The following MARCHF1 variants were observed in gnomAD, a reference collection of about 807,000 sequenced individuals.
The protein encoded by MARCHF1 is E3 ubiquitin-protein ligase MARCHF1.
In MARCHF1, 40 loss-of-function variants were observed where a neutral mutation model predicts 54.2. The ratio of observed to expected loss-of-function variants is 0.74; its 90% CI spans 0.57 to 0.96. The LOEUF is 0.96. MARCHF1 is among the 40% of genes least tolerant of loss of function. The probability of loss-of-function intolerance (pLI) is 0.00; values close to 1 mark genes in which losing one functional copy is unlikely to be tolerated. For missense variants in MARCHF1, 586 were observed against 656.5 expected (o/e 0.89, Z 1.17); for synonymous variants, 236 against 236.3 (o/e 1.00, Z 0.01).
intron 1 of MARCHF1, among the ~76,000 whole-genome samples, chr4:164,328,146 A>T (rs1450582445): frequency 6.6e-6 from 1 of 152,230 alleles, no homozygotes; most frequent in Admixed American, 6.5e-5. Context: ...AGAAAATTCT[A>T]AAATTAGTTT....
intron 1 of MARCHF1, among the ~76,000 whole-genome samples, chr4:164,254,304 A>G (rs1351681163): frequency 7.3e-6 from 1 of 137,198 alleles, no homozygotes; most frequent in Admixed American, 7.8e-5. Flanking sequence ...AAGGGACAGA[A>G]CTAATAGTAT....
chr4:163,895,671 A>C (rs1043685100), intron 3 of MARCHF1, among the ~76,000 whole-genome samples: 2 of 152,002 alleles, frequency 1.3e-5, no homozygotes, highest in Non-Finnish European at 2.9e-5. Flanking sequence ...TTATGCTGTG[A>C]AAGAGGATGT....
At position 164,246,473 on chromosome 4, in the gene MARCHF1, C is replaced by T. The variant is rs1391514256; in HGVS notation, c.-322-134811G>A. ...GTTCAAGATGGATTAAAGACTTAAA[C>T]GTTAGACCTAAAACCATAAAAACCC... On this transcript the variant is annotated intron_variant, in intron 1 of 9. Coordinates refer to ENST00000514618, the MANE Select transcript of MARCHF1 (RefSeq NM_001394959.1). Among the ~76,000 whole-genome samples the T allele has an allele frequency of 1.2e-4, 6 of 51,584 alleles. 1 individual carries two copies. Among genetic ancestry groups the T allele is most frequent in the Non-Finnish European group, 2.5e-4 (5 of 19,626 alleles). The allele number at this position is 51,584 out of a possible 152,430, so 33.8% of individuals were successfully genotyped here. A position where few individuals can be genotyped will look rare whatever the true frequency, so the allele number is the denominator to read the frequency against.
chr4:163,725,045 G>T (rs1338974076), intron 4 of MARCHF1, among the ~76,000 whole-genome samples: 2 of 152,082 alleles, frequency 1.3e-5, no homozygotes, highest in South Asian at 2.1e-4. Context: ...TCCCCAGTGA[G>T]ATGAACCCAG....
intron 4 of MARCHF1, among the ~76,000 whole-genome samples, chr4:163,712,463 T>C (rs183264090): frequency 6.6e-6 from 1 of 152,314 alleles, no homozygotes. Context: ...GGAAAATGTA[T>C]GATTCCTGCA....
chr4:163,835,697 T>C (rs1203222100), intron 4 of MARCHF1, among the ~76,000 whole-genome samples: 2 of 152,238 alleles, frequency 1.3e-5, no homozygotes, highest in Non-Finnish European at 2.9e-5. Flanking sequence ...TCGTTCATTG[T>C]TCAATTTAAC....
chr4:164,181,473 G>T (rs1025817241), intron 1 of MARCHF1, among the ~76,000 whole-genome samples: 1 of 152,008 alleles, frequency 6.6e-6, no homozygotes, highest in African/African-American at 2.4e-5. Context: ...CTAATTTCAC[G>T]CTAGGGAATA....
intron 3 of MARCHF1, among the ~76,000 whole-genome samples, chr4:163,987,667 C>A (rs1369952540): frequency 6.6e-6 from 1 of 152,186 alleles, no homozygotes; most frequent in African/African-American, 2.4e-5. Flanking sequence ...GTTAAAGAGA[C>A]AAGAAGATTA....
At chr4:164,080,672 A>G (rs1367548) in intron 2 of MARCHF1, among the ~76,000 whole-genome samples, 97,614 of 135,518 alleles carry the variant, frequency 0.72, 35,238 homozygotes, top group Non-Finnish European at 0.84. Context: ...GTGTGTGTGT[A>G]TATATATATA....
At chr4:164,151,276 G>T (rs971134945) in intron 1 of MARCHF1, among the ~76,000 whole-genome samples, 1 of 152,110 alleles carries the variant, frequency 6.6e-6, no homozygotes, top group African/African-American at 2.4e-5. Flanking sequence ...CATTACAGAA[G>T]CTCCTCTATT....
intron 4 of MARCHF1, among the ~76,000 whole-genome samples, chr4:163,820,876 C>A (rs983084550): frequency 2.6e-5 from 4 of 151,968 alleles, no homozygotes; most frequent in Non-Finnish European, 5.9e-5. Context: ...TAAGTTCTAC[C>A]CACATCTGAT....
chr4:163,842,286 A>G (rs1052139556), intron 4 of MARCHF1, among the ~76,000 whole-genome samples: 2 of 152,030 alleles, frequency 1.3e-5, no homozygotes, highest in African/African-American at 4.8e-5. Context: ...AAAATTCTAG[A>G]TTCCCATCTG....
intron 5 of MARCHF1, among the ~76,000 whole-genome samples, chr4:163,618,451 C>G (rs1741583061): frequency 1.3e-5 from 2 of 152,136 alleles, no homozygotes; most frequent in Non-Finnish European, 2.9e-5. Flanking sequence ...AGGTAACTTC[C>G]AGAGTTTCTG....
intron 4 of MARCHF1, among the ~76,000 whole-genome samples, chr4:163,712,815 G>T (rs1745146625): frequency 6.6e-6 from 1 of 152,134 alleles, no homozygotes; most frequent in South Asian, 2.1e-4. Context: ...GTCACTTATG[G>T]TCAGGTCCAT....
At chr4:164,142,343 C>T (rs1463545527) in intron 1 of MARCHF1, among the ~76,000 whole-genome samples, 1 of 152,164 alleles carries the variant, frequency 6.6e-6, no homozygotes, top group Non-Finnish European at 1.5e-5. Context: ...GCCTGCCTGC[C>T]TCTGTAGGCT....
In MARCHF1 at chr4:163,914,896, C is replaced by A. The variant is rs139488555; in HGVS notation, c.-38-60727G>T. 9.4e-4 allele frequency among the ~76,000 whole-genome samples: 143 copies of A among 152,120 alleles called. 1 individual carries two copies. The highest frequency in any genetic ancestry group is 6.0e-3 in the South Asian group (29 of 4,822). On this transcript the variant is annotated intron_variant, in intron 3 of 9. Coordinates refer to ENST00000514618, the MANE Select transcript of MARCHF1 (RefSeq NM_001394959.1). ...CCTTTACCTATTATTGCATAATAACCATGTTGAATACTTCGAGCTGCCGTG... is the reference window on the plus strand; with the variant it reads ...CCTTTACCTATTATTGCATAATAACAATGTTGAATACTTCGAGCTGCCGTG...
chr4:163,588,165 G>A (rs1442531169), intron 7 of MARCHF1, among the ~76,000 whole-genome samples: 4 of 152,156 alleles, frequency 2.6e-5, no homozygotes, highest in Non-Finnish European at 4.4e-5. Flanking sequence ...GGGAAGGTCC[G>A]TATTAATGTC....
At position 163,527,024 on chromosome 4, in the gene MARCHF1, A is replaced by G. The variant is rs566504897; in HGVS notation, c.*1724T>C. 6.6e-6 allele frequency: 1 copy of G among 151,924 alleles called. No homozygotes were observed. The highest frequency in any genetic ancestry group is 1.9e-4 in the East Asian group (1 of 5,166). 9.4% of individuals were successfully genotyped at this position (151,924 alleles called of 1,614,324 possible). ...ACACTGATAATTACAAAGTGCATCC[A>G]TGTGATACCCAGATTTGTGCAGTGT... is the stretch of plus-strand genomic sequence containing the variant. On this transcript the variant is annotated 3_prime_UTR_variant, in exon 10 of 10. Coordinates refer to ENST00000514618, the MANE Select transcript of MARCHF1 (RefSeq NM_001394959.1).
intron 4 of MARCHF1, among the ~76,000 whole-genome samples, chr4:163,774,700 T>C (rs887825441): frequency 4.6e-5 from 7 of 152,126 alleles, no homozygotes; most frequent in African/African-American, 1.7e-4. Flanking sequence ...TTTATCATGT[T>C]GGCCAGGCTG....
Sources: gnomAD v4.1 joint callset for allele counts (sites outside exome capture counted in the v4.1 genomes callset) on GRCh38, gnomAD v4.1.1 for gene constraint, MANE v1.5 for transcripts, NCBI Gene and HGNC (gene_info 2026-07-23, HGNC 2026-07-21) for gene names.